AMER2: variants seen among roughly 807,000 people sequenced by gnomAD.
AMER2 encodes the protein family with sequence similarity 123A.
Under a neutral mutation model 4.7 loss-of-function variants are expected in AMER2, and 1 was observed. That is an observed-to-expected ratio of 0.21 (90% CI 0.07 to 1.00). The LOEUF is 1.00. Ranked by LOEUF, AMER2 falls within the 50% of genes least tolerant of loss-of-function variation. The pLI, the probability that AMER2 is intolerant of heterozygous loss-of-function variation, is 0.60. For synonymous variants in AMER2, 485 were observed against 433.3 expected (o/e 1.12, Z -1.48); for missense variants, 988 against 966.9 (o/e 1.02, Z -0.29).
rs1348476287 is a variant in AMER2, at chr13:25,170,238, G to A, written c.1382C>T (p.Ala461Val). The change falls in exon 1 of 1, where the codon GCA becomes GTA. Residue 461 changes from alanine (A) to valine (V), a missense_variant. Ala to Val is a moderately conservative substitution (Grantham distance 64, BLOSUM62 0). Coordinates refer to ENST00000515384, the MANE Select transcript of AMER2 (RefSeq NM_152704.4). The surrounding 1 kb of genome is among the most constrained non-coding windows in gnomAD (Gnocchi z 7.3). ...CACCACCTTGGTTTCCAGCGCAGCT[G>A]CCACCTTAGCCGCGCCCTCCTGGGG... ...PEPQEGAAKV[A>V]AALETKVVPE... The A allele has an allele frequency of 1.2e-6, 2 of 1,612,152 alleles. No homozygotes were observed. The highest frequency in any genetic ancestry group is 1.7e-6 in the Non-Finnish European group (2 of 1,179,172).
chr13:25,170,689 C>A lies in AMER2; in HGVS notation c.931G>T (p.Gly311Trp), dbSNP rs758055086. 13 of 1,516,990 alleles carry A rather than the reference C, an allele frequency of 8.6e-6. No homozygotes were observed. The highest frequency in any genetic ancestry group is 1.8e-6 in the Non-Finnish European group (2 of 1,134,524). The allele number at this position is 1,516,990 out of a possible 1,614,324, so 94.0% of individuals were successfully genotyped here. A position where few individuals can be genotyped will look rare whatever the true frequency, so the allele number is the denominator to read the frequency against. The change falls in exon 1 of 1, where the codon GGG becomes TGG. Residue 311 changes from glycine to tryptophan, a missense_variant. Coordinates refer to ENST00000515384, the MANE Select transcript of AMER2 (RefSeq NM_152704.4). This position sits in a 1 kb window ranked among gnomAD's most constrained non-coding sequence, Gnocchi z 7.3. Reference protein sequence around the residue: ...AGHRRAEPGPGEVRTAEDASR... With the variant: ...AGHRRAEPGPWEVRTAEDASR... Reference sequence around the variant, plus strand: ...GCGTCCTCTGCCGTGCGGACCTCCCCGGGCCCCGGCTCGGCGCGCCGATGC... The same window carrying A: ...GCGTCCTCTGCCGTGCGGACCTCCCAGGGCCCCGGCTCGGCGCGCCGATGC...
chr13:25,171,681 C>G lies in AMER2; in HGVS notation c.-62G>C, dbSNP rs2137452524. 1 of 1,425,284 alleles carries G rather than the reference C, an allele frequency of 7.0e-7. No homozygotes were observed. The highest frequency in any genetic ancestry group is 2.7e-5 in the East Asian group (1 of 37,318). The allele number at this position is 1,425,284 out of a possible 1,614,324, so 88.3% of individuals were successfully genotyped here. On this transcript the variant is annotated 5_prime_UTR_variant, in exon 1 of 1. Coordinates refer to ENST00000515384, the MANE Select transcript of AMER2 (RefSeq NM_152704.4). The surrounding 1 kb of genome is among the most constrained non-coding windows in gnomAD (Gnocchi z 5.9). ...GGGCTCGCGCCAGGCCACTGTCACC[C>G]GTATTCTAAATCAACCTGAGCCGCG...
chr13:25,168,529 T>TGAGATATGGGTGAGA lies in AMER2; in HGVS notation c.*1074_*1075insTCTCACCCATATCTC, dbSNP rs1272513802. ...GGACACCAGCACAATAGATTTTTTTTTTTTTTGAGAACCAGAGAACCCATA... is the reference window on the plus strand; with the variant it reads ...GGACACCAGCACAATAGATTTTTTTTGAGATATGGGTGAGATTTTTTGAGAACCAGAGAACCCATA... On this transcript the variant is annotated 3_prime_UTR_variant, in exon 1 of 1. Transcript: ENST00000515384. 1 of 152,070 alleles carries TGAGATATGGGTGAGA rather than the reference T, an allele frequency of 6.6e-6. No homozygotes were observed. Among genetic ancestry groups the TGAGATATGGGTGAGA allele is most frequent in the Non-Finnish European group, 1.5e-5 (1 of 68,010 alleles). The allele number at this position is 152,070 out of a possible 1,614,324, so 9.4% of individuals were successfully genotyped here. A position where few individuals can be genotyped will look rare whatever the true frequency, so the allele number is the denominator to read the frequency against.
rs1252181813 is a variant in AMER2, at chr13:25,166,683, G to A, written c.*2921C>T. ...CTTCCCTTAAAAAGTCAGCAAATAT[G>A]GGCCTGAATAATCTTCACAAGGTCA... On this transcript the variant is annotated 3_prime_UTR_variant, in exon 1 of 1. Transcript: ENST00000515384. 1 of 152,084 alleles carries A rather than the reference G, an allele frequency of 6.6e-6. No individual in the cohort carries two copies. Among genetic ancestry groups the A allele is most frequent in the African/African-American group, 2.4e-5 (1 of 41,414 alleles). The allele number at this position is 152,084 out of a possible 1,614,324, so 9.4% of individuals were successfully genotyped here.
Position 25,171,196 on chromosome 13 carries a change from G to C in AMER2, c.424C>G (p.Pro142Ala), listed in dbSNP as rs776390301. 2 of 1,433,284 alleles carry C rather than the reference G, an allele frequency of 1.4e-6. No homozygotes were observed. Among genetic ancestry groups the C allele is most frequent in the Admixed American group, 6.0e-5 (2 of 33,208 alleles). 88.8% of individuals were successfully genotyped at this position (1,433,284 alleles called of 1,614,324 possible). ...CCCCCGCCGGGCCCTGCGGCTCTGGGGGGCCCCGGGTTCGGCCGCCCCCCG... is the reference window on the plus strand; with the variant it reads ...CCCCCGCCGGGCCCTGCGGCTCTGGCGGGCCCCGGGTTCGGCCGCCCCCCG... ...GGGGRPNPGP[P>A]RAAGPGGGSL... is the part of the protein sequence containing the mutation. Residue 142 changes from proline to alanine, a missense_variant, in exon 1 of 1, where the codon CCC becomes GCC. By Grantham distance (27) the Pro-to-Ala change is conservative. Transcript: ENST00000515384. This position sits in a 1 kb window ranked among gnomAD's most constrained non-coding sequence, Gnocchi z 5.9.
chr13:25,162,070 G>A lies in AMER2; in HGVS notation c.*7534C>T, dbSNP rs1404415612. 6.6e-6 allele frequency: 1 copy of A among 152,054 alleles called. No homozygotes were observed. Among genetic ancestry groups the A allele is most frequent in the Non-Finnish European group, 1.5e-5 (1 of 68,014 alleles). The allele number at this position is 152,054 out of a possible 1,614,324, so 9.4% of individuals were successfully genotyped here. A position where few individuals can be genotyped will look rare whatever the true frequency, so the allele number is the denominator to read the frequency against. ...AGGAGACAATTTTTGATGTTTTTCAGGGGTTTAACATTCTATTATAAAAAT... is the reference window on the plus strand; with the variant it reads ...AGGAGACAATTTTTGATGTTTTTCAAGGGTTTAACATTCTATTATAAAAAT... On this transcript the variant is annotated 3_prime_UTR_variant, in exon 1 of 1. Transcript: ENST00000515384.
chr13:25,171,695 A>C lies in AMER2; in HGVS notation c.-76T>G. On this transcript the variant is annotated 5_prime_UTR_variant, in exon 1 of 1. Coordinates refer to ENST00000515384, the MANE Select transcript of AMER2 (RefSeq NM_152704.4). This position sits in a 1 kb window ranked among gnomAD's most constrained non-coding sequence, Gnocchi z 5.9. ...CCACTGTCACCCGTATTCTAAATCA[A>C]CCTGAGCCGCGCTCGCCGCCGCCGC... 1.4e-6 allele frequency: 2 copies of C among 1,413,284 alleles called. No homozygotes were observed. The highest frequency in any genetic ancestry group is 1.6e-5 in the South Asian group (1 of 64,010). 87.5% of individuals were successfully genotyped at this position (1,413,284 alleles called of 1,614,324 possible). A position where few individuals can be genotyped will look rare whatever the true frequency, so the allele number is the denominator to read the frequency against.
In AMER2 at chr13:25,170,611, C is replaced by T. The variant is rs772656513; in HGVS notation, c.1009G>A (p.Gly337Ser). ...GCGGCGGGCGCCCGGCCGCTGCCGC[C>T]TTCGGAGTCGACAAGGGGGACCGTC... ...VKTVPLVDSE[G>S]GSGRAPAAPD... Residue 337 changes from glycine (G) to serine (S), a missense_variant, in exon 1 of 1, where the codon GGC becomes AGC. Transcript: ENST00000515384. This position sits in a 1 kb window ranked among gnomAD's most constrained non-coding sequence, Gnocchi z 7.3. 4 of 1,576,118 alleles carry T rather than the reference C, an allele frequency of 2.5e-6. No homozygotes were observed. In the South Asian group the frequency reaches 4.6e-5, roughly 18 times the overall value.
Position 25,164,630 on chromosome 13 carries a change from A to G in AMER2, c.*4974T>C, listed in dbSNP as rs1231480144. ...ATGGAAAGGGATAGAAACAAAAAGG[A>G]TGAATTAAAGCTGTCTTACTGGGGA... On this transcript the variant is annotated 3_prime_UTR_variant, in exon 1 of 1. Transcript: ENST00000515384. 2 of 149,574 alleles carry G rather than the reference A, an allele frequency of 1.3e-5. No homozygotes were observed. Among genetic ancestry groups the G allele is most frequent in the African/African-American group, 4.9e-5 (2 of 40,524 alleles). 9.3% of individuals were successfully genotyped at this position (149,574 alleles called of 1,614,324 possible).
In AMER2 at chr13:25,164,809, T is replaced by C. The variant is rs1956458580; in HGVS notation, c.*4795A>G. On this transcript the variant is annotated 3_prime_UTR_variant, in exon 1 of 1. Transcript: ENST00000515384. ...GGCATTTGTGTGGCTTAATTCATAG[T>C]GCCCTTCTTCAACTTCACACCACTT... 1 of 152,226 alleles carries C rather than the reference T, an allele frequency of 6.6e-6. No individual in the cohort carries two copies. The highest frequency in any genetic ancestry group is 2.4e-5 in the African/African-American group (1 of 41,458). 9.4% of individuals were successfully genotyped at this position (152,226 alleles called of 1,614,324 possible).
At position 25,169,935 on chromosome 13, in the gene AMER2, G is replaced by C; in HGVS notation, c.1685C>G (p.Pro562Arg). 1 of 1,614,150 alleles carries C rather than the reference G, an allele frequency of 6.2e-7. No homozygotes were observed. The highest frequency in any genetic ancestry group is 8.5e-7 in the Non-Finnish European group (1 of 1,180,028). Residue 562 changes from proline to arginine, a missense_variant, in exon 1 of 1, where the codon CCG becomes CGG. By Grantham distance (103) the Pro-to-Arg change is moderately radical. Coordinates refer to ENST00000515384, the MANE Select transcript of AMER2 (RefSeq NM_152704.4). This position sits in a 1 kb window ranked among gnomAD's most constrained non-coding sequence, Gnocchi z 4.2. ...AGGAAGGGTTGCTGGACTTCCGTCC[G>C]GGTCAGCATAGAGATCATAGAGCGC... ...GDALYDLYAD[P>R]DGSPATLPGG...
At position 25,164,183 on chromosome 13, in the gene AMER2, T is replaced by C. The variant is rs1257507313; in HGVS notation, c.*5421A>G. On this transcript the variant is annotated 3_prime_UTR_variant, in exon 1 of 1. Transcript: ENST00000515384. ...ACTGCAATTAAAACACACACACATA[T>C]GCATAGACCACCCAGAACCCACCAA... 6.6e-6 allele frequency: 1 copy of C among 150,938 alleles called. No individual in the cohort carries two copies. The highest frequency in any genetic ancestry group is 1.5e-5 in the Non-Finnish European group (1 of 67,850). The allele number at this position is 150,938 out of a possible 1,614,324, so 9.3% of individuals were successfully genotyped here.
chr13:25,170,208 T>G lies in AMER2; in HGVS notation c.1412A>C (p.Glu471Ala). Reference protein sequence around the residue: ...AAALETKVVPETPKDTRCVEA... With the variant: ...AAALETKVVPATPKDTRCVEA... ...CACACACCTGGTGTCTTTGGGGGTC[T>G]CGGGCACCACCTTGGTTTCCAGCGC... is the stretch of plus-strand genomic sequence containing the variant. The change falls in exon 1 of 1, where the codon GAG (glutamate) becomes GCG (alanine). Residue 471 changes from glutamate to alanine, a missense_variant. By Grantham distance (107) the Glu-to-Ala change is moderately radical. Transcript: ENST00000515384. The surrounding 1 kb of genome is among the most constrained non-coding windows in gnomAD (Gnocchi z 7.3). 6.2e-7 allele frequency: 1 copy of G among 1,612,532 alleles called. No individual in the cohort carries two copies. The highest frequency in any genetic ancestry group is 8.5e-7 in the Non-Finnish European group (1 of 1,179,108).
In AMER2 at chr13:25,170,330, C is replaced by G. The variant is rs973676525; in HGVS notation, c.1290G>C (p.Glu430Asp). The change falls in exon 1 of 1, where the codon GAG becomes GAC. Residue 430 changes from glutamate (E) to aspartate (D), a missense_variant. Glu to Asp is a conservative substitution (Grantham distance 45). Transcript: ENST00000515384. The surrounding 1 kb of genome is among the most constrained non-coding windows in gnomAD (Gnocchi z 7.3). ...GGGEEMASPD[E>D]VDDTYLQEFW... ...ACTCCTGTAGATAGGTGTCGTCCAC[C>G]TCGTCCGGGCTGGCCATCTCTTCCC... is the stretch of plus-strand genomic sequence containing the variant. The G allele has an allele frequency of 1.2e-6, 2 of 1,614,046 alleles. No homozygotes were observed. The highest frequency in any genetic ancestry group is 8.5e-7 in the Non-Finnish European group (1 of 1,180,014).
In AMER2 at chr13:25,169,448, G is replaced by T; in HGVS notation, c.*156C>A. The T allele has an allele frequency of 1.0e-6, 1 of 958,554 alleles. No individual in the cohort carries two copies. Among genetic ancestry groups the T allele is most frequent in the South Asian group, 2.0e-5 (1 of 50,000 alleles). 59.4% of individuals were successfully genotyped at this position (958,554 alleles called of 1,614,324 possible). A position where few individuals can be genotyped will look rare whatever the true frequency, so the allele number is the denominator to read the frequency against. Reference sequence around the variant, plus strand: ...TGGTGTTATCCGGTCCCTGCTCAGGGCACAAAGACCTCCTCGGTCCACGCT... The same window carrying T: ...TGGTGTTATCCGGTCCCTGCTCAGGTCACAAAGACCTCCTCGGTCCACGCT... On this transcript the variant is annotated 3_prime_UTR_variant, in exon 1 of 1. Coordinates refer to ENST00000515384, the MANE Select transcript of AMER2 (RefSeq NM_152704.4). The surrounding 1 kb of genome is among the most constrained non-coding windows in gnomAD (Gnocchi z 4.2).
rs781356305 is a variant in AMER2, at chr13:25,168,122, G to A, written c.*1482C>T. The A allele has an allele frequency of 6.6e-6, 1 of 152,034 alleles. No homozygotes were observed. The highest frequency in any genetic ancestry group is 2.4e-5 in the African/African-American group (1 of 41,398). 9.4% of individuals were successfully genotyped at this position (152,034 alleles called of 1,614,324 possible). Reference sequence around the variant, plus strand: ...TCATTAGACACTAATAGCATTCTAGGAACTGCTTCAGTTTATCATTCAAAC... The same window carrying A: ...TCATTAGACACTAATAGCATTCTAGAAACTGCTTCAGTTTATCATTCAAAC... On this transcript the variant is annotated 3_prime_UTR_variant, in exon 1 of 1. Coordinates refer to ENST00000515384, the MANE Select transcript of AMER2 (RefSeq NM_152704.4).
rs1485148295 is a variant in AMER2 at position 25,170,105 on chromosome 13, C to T, written c.1515G>A (p.Glu505=). ...RIPIEPHPKE[E]PKHPEKEQQE... is the part of the protein sequence containing the mutation. ...GCTGCTCCTTCTCCGGGTGCTTGGG[C>T]TCCTCCTTAGGATGGGGCTCGATGG... The change falls in exon 1 of 1, where the codon GAG becomes GAA. Residue 505 remains glutamate, a synonymous_variant. Coordinates refer to ENST00000515384, the MANE Select transcript of AMER2 (RefSeq NM_152704.4). The surrounding 1 kb of genome is among the most constrained non-coding windows in gnomAD (Gnocchi z 7.3). 1.2e-6 allele frequency: 2 copies of T among 1,614,090 alleles called. No individual in the cohort carries two copies. Among genetic ancestry groups the T allele is most frequent in the Admixed American group, 1.7e-5 (1 of 60,028 alleles).
Position 25,171,827 on chromosome 13 carries a change from G to T in AMER2, c.-208C>A. 1 of 1,006,356 alleles carries T rather than the reference G, an allele frequency of 9.9e-7. No homozygotes were observed. The highest frequency in any genetic ancestry group is 1.3e-6 in the Non-Finnish European group (1 of 766,756). The allele number at this position is 1,006,356 out of a possible 1,614,324, so 62.3% of individuals were successfully genotyped here. On this transcript the variant is annotated 5_prime_UTR_variant, in exon 1 of 1. Coordinates refer to ENST00000515384, the MANE Select transcript of AMER2 (RefSeq NM_152704.4). The surrounding 1 kb of genome is among the most constrained non-coding windows in gnomAD (Gnocchi z 5.9). ...GCTCGGCGCTGCATGGCGTTTTTGT[G>T]GCAGGAGCAGGCAACACAGCCGCGA...
rs1255802496 is a variant in AMER2, at chr13:25,164,015, G to GA, written c.*5588dup. On this transcript the variant is annotated 3_prime_UTR_variant, in exon 1 of 1. Transcript: ENST00000515384. ...AGCTACTTGGGAGGCTGAGGCAGGAGAATCACTTGAACCTGGGAGGTGGAG... is the reference window on the plus strand; with the variant it reads ...AGCTACTTGGGAGGCTGAGGCAGGAGAAATCACTTGAACCTGGGAGGTGGAG... The GA allele has an allele frequency of 1.4e-5, 2 of 148,088 alleles. No individual in the cohort carries two copies. Among genetic ancestry groups the GA allele is most frequent in the African/African-American group, 5.0e-5 (2 of 39,902 alleles). 9.2% of individuals were successfully genotyped at this position (148,088 alleles called of 1,614,324 possible). A position where few individuals can be genotyped will look rare whatever the true frequency, so the allele number is the denominator to read the frequency against.
Sources: gnomAD v4.1 joint callset for allele counts on GRCh38, gnomAD v4.1.1 for gene constraint, Gnocchi (gnomAD v3.1) non-coding constraint, MANE v1.5 for transcripts, NCBI Gene and HGNC (gene_info 2026-07-23, HGNC 2026-07-21) for gene names.